PRKN: variants seen among roughly 807,000 people sequenced by gnomAD.
PRKN encodes parkin RBR E3 ubiquitin protein ligase, also known as E3 ubiquitin-protein ligase parkin.
A neutral mutation model predicts 59.5 loss-of-function variants in PRKN; 56 were observed. The ratio of observed to expected loss-of-function variants is 0.94; its 90% CI spans 0.76 to 1.18. The LOEUF (loss-of-function observed/expected upper bound fraction) is 1.18. Among genes scored for constraint, PRKN ranks in the 50% most tolerant of loss-of-function variants. PRKN has a pLI of 0.00. For missense variants in PRKN, 657 were observed against 596.4 expected (o/e 1.10, Z -1.06); for synonymous variants, 250 against 222.1 (o/e 1.13, Z -1.12).
intron 4 of PRKN, among the ~76,000 whole-genome samples, chr6:162,184,644 A>C (rs1228272511): frequency 1.3e-5 from 2 of 152,136 alleles, no homozygotes; most frequent in African/African-American, 4.8e-5. Flanking sequence ...TGAGTCAGTC[A>C]AACCTGTTTT....
chr6:161,830,725 C>G (rs544730550), intron 6 of PRKN, among the ~76,000 whole-genome samples: 3 of 152,244 alleles, frequency 2.0e-5, no homozygotes, highest in African/African-American at 7.2e-5. Context: ...CTACATCAAG[C>G]TAATTTAGCT....
chr6:161,387,928 G>A (rs1786338676), intron 9 of PRKN, among the ~76,000 whole-genome samples: 1 of 152,214 alleles, frequency 6.6e-6, no homozygotes, highest in Admixed American at 6.5e-5. Flanking sequence ...CATTCACCAT[G>A]GGACTGAAGA....
At chr6:162,342,031 A>G (rs1431116869) in intron 2 of PRKN, among the ~76,000 whole-genome samples, 1 of 152,052 alleles carries the variant, frequency 6.6e-6, no homozygotes, top group African/African-American at 2.4e-5. Flanking sequence ...TTGAAACCTC[A>G]CTAATTGGTA....
At chr6:161,960,122 A>C (rs1234544672) in intron 6 of PRKN, among the ~76,000 whole-genome samples, 1 of 152,220 alleles carries the variant, frequency 6.6e-6, no homozygotes, top group Middle Eastern at 3.2e-3. Flanking sequence ...GGCTGTGCTA[A>C]CTTGGCTCCC....
At chr6:162,654,359 T>C (rs927750207) in intron 1 of PRKN, among the ~76,000 whole-genome samples, 3 of 152,194 alleles carry the variant, frequency 2.0e-5, no homozygotes, top group African/African-American at 7.2e-5. Flanking sequence ...AACTGAGGGA[T>C]AGAGATTAAG....
At chr6:161,490,778 C>T (rs769935925) in intron 9 of PRKN, among the ~76,000 whole-genome samples, 13 of 152,080 alleles carry the variant, frequency 8.5e-5, no homozygotes, top group Non-Finnish European at 1.3e-4. Flanking sequence ...CCAGTGTTGA[C>T]TGGATTGTGG....
intron 1 of PRKN, among the ~76,000 whole-genome samples, chr6:162,479,506 G>A (rs1292762334): frequency 6.6e-6 from 1 of 152,146 alleles, no homozygotes; most frequent in Non-Finnish European, 1.5e-5. Flanking sequence ...TGGGATAACA[G>A]GCTTGAGCCA....
intron 1 of PRKN, among the ~76,000 whole-genome samples, chr6:162,626,688 C>T (rs1206051322): frequency 1.3e-5 from 2 of 151,836 alleles, no homozygotes; most frequent in Admixed American, 1.3e-4. Context: ...GTAGTGGGCG[C>T]CTGTAATCCC....
chr6:162,547,393 C>T (rs563940858), intron 1 of PRKN, among the ~76,000 whole-genome samples: 8 of 152,178 alleles, frequency 5.3e-5, no homozygotes, highest in African/African-American at 1.9e-4. Context: ...TTGAAAATAA[C>T]AATATTTTAC....
intron 1 of PRKN, among the ~76,000 whole-genome samples, chr6:162,687,917 T>G (rs1777631248): frequency 1.3e-5 from 2 of 152,192 alleles, no homozygotes; most frequent in African/African-American, 4.8e-5. Context: ...AATGGAGAAC[T>G]CATTGCTCTT....
At chr6:161,860,842 C>A (rs1793867112) in intron 6 of PRKN, among the ~76,000 whole-genome samples, 1 of 152,198 alleles carries the variant, frequency 6.6e-6, no homozygotes, top group South Asian at 2.1e-4. Flanking sequence ...CTCATCATCA[C>A]TGGTCATTAG....
intron 7 of PRKN, among the ~76,000 whole-genome samples, chr6:161,680,726 C>CATATATATAT (rs56954052): frequency 2.5e-4 from 13 of 51,010 alleles, no homozygotes; most frequent in South Asian, 1.4e-3. Flanking sequence ...TCCTGAAATA[C>CATATATATAT]ATATATATAT....
At chr6:162,604,682 G>A (rs914088932) in intron 1 of PRKN, among the ~76,000 whole-genome samples, 5 of 142,686 alleles carry the variant, frequency 3.5e-5, no homozygotes, top group Non-Finnish European at 7.6e-5. Flanking sequence ...CACAGGCCCT[G>A]TTTCTTTCTC....
Position 162,041,903 on chromosome 6 carries a change from T to C in PRKN, c.618+12188A>G, listed in dbSNP as rs375378213. On this transcript the variant is annotated intron_variant, in intron 5 of 11. Transcript: ENST00000366898. ...CCGTACGTGTGGCTGACATATCCTA[T>C]CCTAGAGTGGCCACTTGTTTAGAAC... Among the ~76,000 whole-genome samples, 25 of 152,220 alleles carry C rather than the reference T, an allele frequency of 1.6e-4. 1 individual carries two copies. The highest frequency in any genetic ancestry group is 5.5e-4 in the African/African-American group (23 of 41,538).
At chr6:161,865,088 G>A (rs57003786) in intron 6 of PRKN, among the ~76,000 whole-genome samples, 10,711 of 152,234 alleles carry the variant, frequency 0.07, 1,261 homozygotes, top group African/African-American at 0.25. Flanking sequence ...TGTGTCAGCA[G>A]GGATGAAAAC....
intron 1 of PRKN, among the ~76,000 whole-genome samples, chr6:162,591,424 T>C (rs1781303510): frequency 6.6e-6 from 1 of 152,196 alleles, no homozygotes; most frequent in African/African-American, 2.4e-5. Context: ...ATGTGATATG[T>C]TGTTACGTGC....
chr6:162,630,401 T>C (rs1191921269), intron 1 of PRKN, among the ~76,000 whole-genome samples: 1 of 152,166 alleles, frequency 6.6e-6, no homozygotes, highest in Non-Finnish European at 1.5e-5. Context: ...ATTAGAGTTC[T>C]TTTGAAACAA....
chr6:162,703,768 C>T lies in PRKN; in HGVS notation c.7+23894G>A, dbSNP rs545508781. On this transcript the variant is annotated intron_variant, in intron 1 of 11. Transcript: ENST00000366898. ...AGACAACTGGAATGCATAGTCCACA[C>T]ACACACTGGTTGGCAAATATATTTC... Among the ~76,000 whole-genome samples, 25 of 152,322 alleles carry T rather than the reference C, an allele frequency of 1.6e-4. No homozygotes were observed. The South Asian group carries it at 1.9e-3, about 11-fold the overall frequency.
rs998382445 is a variant in PRKN at position 161,527,228 on chromosome 6, T to G, written c.1083+21626A>C. On this transcript the variant is annotated intron_variant, in intron 9 of 11. Transcript: ENST00000366898. The surrounding 1 kb of genome is among the most constrained non-coding windows in gnomAD (Gnocchi z 4.6). Reference sequence around the variant, plus strand: ...TCAGAGGCACTTCTGTGTCTGCAACTTCTCAGAATAACCAGCTCAAAATAT... The same window carrying G: ...TCAGAGGCACTTCTGTGTCTGCAACGTCTCAGAATAACCAGCTCAAAATAT... Among the ~76,000 whole-genome samples, 1 of 152,182 alleles carries G rather than the reference T, an allele frequency of 6.6e-6. No homozygotes were observed. Among genetic ancestry groups the G allele is most frequent in the Non-Finnish European group, 1.5e-5 (1 of 68,042 alleles).
Sources: allele counts gnomAD v4.1 joint callset (sites outside exome capture counted in the v4.1 genomes callset), GRCh38; gene constraint gnomAD v4.1.1; non-coding constraint Gnocchi (gnomAD v3.1); transcripts MANE v1.5; gene names NCBI Gene and HGNC (gene_info 2026-07-23, HGNC 2026-07-21).